Variants in DCAF11 observed in about 807,000 individuals in gnomAD.
The protein encoded by DCAF11 is DDB1- and CUL4-associated factor 11.
DCAF11 carries 44 observed loss-of-function variants against 76.1 expected under a neutral mutation model. The ratio of observed to expected loss-of-function variants is 0.58; its 90% confidence interval spans 0.45 to 0.74. DCAF11 has a LOEUF of 0.74. Ranked by LOEUF, DCAF11 falls within the 30% of genes least tolerant of loss-of-function variation. The pLI is 0.00. For missense variants in DCAF11, 604 were observed against 709.4 expected (o/e 0.85, Z 1.69); for synonymous variants, 258 against 255.0 (o/e 1.01, Z -0.11).
In DCAF11 at chr14:24,117,033, A is replaced by C. The variant is rs1227339142; in HGVS notation, c.272A>C (p.Tyr91Ser). The C allele has an allele frequency of 1.2e-6, 2 of 1,614,256 alleles. No homozygotes were observed. Among genetic ancestry groups the C allele is most frequent in the South Asian group, 2.2e-5 (2 of 91,086 alleles). The change falls in exon 3 of 15, where the codon TAC becomes TCC. Residue 91 changes from tyrosine to serine, a missense_variant. By Grantham distance (144) the Tyr-to-Ser change is moderately radical. Transcript: ENST00000446197. This position sits in a 1 kb window ranked among gnomAD's most constrained non-coding sequence, Gnocchi z 4.3. ...RAWDGRLGDRYNPPVDATPDT... is the reference protein window; with the variant it reads ...RAWDGRLGDRSNPPVDATPDT... ...TGGGATGGTCGTCTTGGGGATCGAT[A>C]CAACCCACCTGGTAAGAGGAAAAGC...
chr14:24,116,991 A>T lies in DCAF11; in HGVS notation c.230A>T (p.Glu77Val), dbSNP rs2037592361. Residue 77 changes from glutamate (E) to valine (V), a missense_variant, in exon 3 of 15, where the codon GAA becomes GTA. Physicochemically the swap from Glu to Val is moderately radical, Grantham distance 121 (BLOSUM62 -2). Coordinates refer to ENST00000446197, the MANE Select transcript of DCAF11 (RefSeq NM_025230.5). ...QFIQALLDSE[E>V]ENDRAWDGRL... ...ATTCAGGCCCTCTTGGACTCAGAGG[A>T]AGAGAATGACAGAGCTTGGGATGGT... 1 of 1,614,100 alleles carries T rather than the reference A, an allele frequency of 6.2e-7. No homozygotes were observed. The highest frequency in any genetic ancestry group is 1.3e-5 in the African/African-American group (1 of 74,926).
chr14:24,119,368 C>A, intron 9 of DCAF11, 155 bp downstream of exon 9: 1 of 1,213,170 alleles, frequency 8.2e-7, no homozygotes. Context: ...CCTTGCTCTC[C>A]ATTTCCCCAG....
At chr14:24,122,751 GC>G (rs1018456078) in intron 13 of DCAF11, among the ~76,000 whole-genome samples, 3 of 152,144 alleles carry the variant, frequency 2.0e-5, no homozygotes, top group African/African-American at 7.2e-5. Flanking sequence ...TTAGCTAAGG[GC>G]CAGACATACC....
At chr14:24,120,711 TG>T in intron 11 of DCAF11, 126 bp from the exon 12 acceptor site, 1 of 1,211,254 alleles carries the variant, frequency 8.3e-7, no homozygotes, top group Non-Finnish European at 1.2e-6. Context: ...TGAGTTCACC[TG>T]GATGAAGAGA....
intron 9 of DCAF11, 144 bp from the exon 10 acceptor site, chr14:24,119,415 G>A (rs1257348144): frequency 1.6e-6 from 2 of 1,247,640 alleles, no homozygotes; most frequent in African/African-American, 3.0e-5. Flanking sequence ...TTGAAACACA[G>A]CTAACTCTTC....
chr14:24,122,851 C>A, intron 13 of DCAF11, 120 bp from the exon 14 acceptor site: 1 of 802,976 alleles, frequency 1.2e-6, no homozygotes, highest in Middle Eastern at 2.8e-4. Flanking sequence ...GTGGGCTTTG[C>A]TCCCATGGGA....
In DCAF11 at chr14:24,123,190, C is replaced by A; in HGVS notation, c.1522C>A (p.Arg508Ser). ...TGCCCTGCAGTGGGACGGGAACCTG[C>A]GTCTGTGGCAGTACCGCCAGGCTGA... ...IVSSSWDGNL[R>S]LWQYRQAEYF... Residue 508 changes from arginine to serine, a missense_variant, in exon 15 of 15, where the codon CGT (arginine) becomes AGT (serine). Physicochemically the swap from Arg to Ser is moderately radical, Grantham distance 110 (BLOSUM62 -1). Coordinates refer to ENST00000446197, the MANE Select transcript of DCAF11 (RefSeq NM_025230.5). 1 of 1,608,538 alleles carries A rather than the reference C, an allele frequency of 6.2e-7. No homozygotes were observed.
chr14:24,117,437 C>T lies in DCAF11; in HGVS notation c.411+44C>T. ...CAGCCTGGCAGCAGGCCTGCCAAAGCAGCCAGAAGCTCTGCCAGCCCCAGA... is the reference window on the plus strand; with the variant it reads ...CAGCCTGGCAGCAGGCCTGCCAAAGTAGCCAGAAGCTCTGCCAGCCCCAGA... On this transcript the variant is annotated intron_variant, in intron 4 of 14. Coordinates refer to ENST00000446197, the MANE Select transcript of DCAF11 (RefSeq NM_025230.5). The surrounding 1 kb of genome is among the most constrained non-coding windows in gnomAD (Gnocchi z 4.3). 6.2e-7 allele frequency: 1 copy of T among 1,609,370 alleles called. No homozygotes were observed. The highest frequency in any genetic ancestry group is 1.1e-5 in the South Asian group (1 of 90,804).
chr14:24,119,007 T>G (rs753537306), intron 8 of DCAF11, 138 bp from the exon 9 acceptor site: 3 of 1,217,984 alleles, frequency 2.5e-6, no homozygotes, highest in Non-Finnish European at 3.6e-6. Flanking sequence ...GGGTTCTCAC[T>G]GAGCATCTGC....
At chr14:24,121,259 G>A in intron 12 of DCAF11, 106 bp from the exon 13 acceptor site, 1 of 1,448,246 alleles carries the variant, frequency 6.9e-7, no homozygotes, top group Non-Finnish European at 9.5e-7. Context: ...CTTGAAGATT[G>A]GAAAGGCATT....
intron 8 of DCAF11, 93 bp from the exon 9 acceptor site, chr14:24,119,052 C>T (rs2037639381): frequency 1.3e-6 from 2 of 1,525,630 alleles, no homozygotes; most frequent in Non-Finnish European, 1.8e-6. Flanking sequence ...TCTTTTTTCC[C>T]CTGGGGATGT....
Position 24,123,380 on chromosome 14 carries a change from G to T in DCAF11, c.*71G>T. ...CTGCCTCCTCCTCCCTTTCTCCCTT[G>T]TGGGGAATGTTTGGAGGAATCACTG... is the stretch of plus-strand genomic sequence containing the variant. On this transcript the variant is annotated 3_prime_UTR_variant, in exon 15 of 15. Coordinates refer to ENST00000446197, the MANE Select transcript of DCAF11 (RefSeq NM_025230.5). The T allele has an allele frequency of 6.7e-7, 1 of 1,494,138 alleles. No individual in the cohort carries two copies. The highest frequency in any genetic ancestry group is 8.9e-7 in the Non-Finnish European group (1 of 1,120,980). 92.6% of individuals were successfully genotyped at this position (1,494,138 alleles called of 1,614,324 possible).
chr14:24,122,523 A>G (rs1256132044), intron 13 of DCAF11, among the ~76,000 whole-genome samples: 1 of 151,522 alleles, frequency 6.6e-6, no homozygotes, highest in African/African-American at 2.4e-5. Flanking sequence ...GAAAAAAAAA[A>G]CCAGAAGCAC....
chr14:24,116,330 G>A (rs1239501771), intron 2 of DCAF11, among the ~76,000 whole-genome samples: 2 of 152,094 alleles, frequency 1.3e-5, no homozygotes, highest in African/African-American at 4.8e-5. Context: ...TCAGAATATT[G>A]TATTCTTTTT....
chr14:24,118,529 A>C lies in DCAF11; in HGVS notation c.719A>C (p.Asp240Ala), dbSNP rs141123841. The C allele has an allele frequency of 3.8e-5, 62 of 1,613,786 alleles. No individual in the cohort carries two copies. In the African/African-American group the frequency reaches 7.2e-4, roughly 19 times the overall value. ...GNHFLYSSWS[D>A]YIHICNIYGE... ...CACTTCCTCTACTCTAGCTGGTCTG[A>C]TTACAGTGAGTATGCACCAGGCTTC... The change falls in exon 7 of 15, where the codon GAT (aspartate) becomes GCT (alanine). Residue 240 changes from aspartate (D) to alanine (A), a missense_variant. Coordinates refer to ENST00000446197, the MANE Select transcript of DCAF11 (RefSeq NM_025230.5).
At chr14:24,120,795 T>C in intron 11 of DCAF11, 43 bp from the exon 12 acceptor site, 1 of 1,604,660 alleles carries the variant, frequency 6.2e-7, no homozygotes, top group Non-Finnish European at 8.5e-7. Flanking sequence ...GGCGCCGACA[T>C]TTGCAAGCTC....
At position 24,122,990 on chromosome 14, in the gene DCAF11, C is replaced by T. The variant is rs748211894; in HGVS notation, c.1419C>T (p.Gly473=). ...GGACAGTGTACGACCTTCTAAGTGGCCACATTGTGAAGAAGCTGACCAACC... is the reference window on the plus strand; with the variant it reads ...GGACAGTGTACGACCTTCTAAGTGGTCACATTGTGAAGAAGCTGACCAACC... ...GKVVVYDLLS[G]HIVKKLTNHK... Residue 473 remains glycine (G), a synonymous_variant, in exon 14 of 15, where the codon GGC becomes GGT. Transcript: ENST00000446197. 4.3e-6 allele frequency: 7 copies of T among 1,613,998 alleles called. No individual in the cohort carries two copies. The highest frequency in any genetic ancestry group is 2.7e-5 in the African/African-American group (2 of 74,914).
At position 24,115,548 on chromosome 14, in the gene DCAF11, G is replaced by A. The variant is rs775272676; in HGVS notation, c.-47G>A. On this transcript the variant is annotated 5_prime_UTR_variant, in exon 2 of 15. Coordinates refer to ENST00000446197, the MANE Select transcript of DCAF11 (RefSeq NM_025230.5). ...TTGCTTTCACCAAACCCAAGGAGGT[G>A]ACAGGAGGAGCCCCCGCACAGGACC... 5 of 1,566,086 alleles carry A rather than the reference G, an allele frequency of 3.2e-6. No individual in the cohort carries two copies. The highest frequency in any genetic ancestry group is 1.2e-5 in the South Asian group (1 of 83,680).
rs2037733183 is a variant in DCAF11 at position 24,123,672 on chromosome 14, C to G, written c.*363C>G. The G allele has an allele frequency of 1.0e-5, 2 of 194,628 alleles. No homozygotes were observed. Among genetic ancestry groups the G allele is most frequent in the Non-Finnish European group, 1.0e-5 (1 of 95,900 alleles). The allele number at this position is 194,628 out of a possible 1,614,324, so 12.1% of individuals were successfully genotyped here. On this transcript the variant is annotated 3_prime_UTR_variant, in exon 15 of 15. Coordinates refer to ENST00000446197, the MANE Select transcript of DCAF11 (RefSeq NM_025230.5). Reference sequence around the variant, plus strand: ...TGAGGCCACATCTGAACAGACCTGTCAGCCAGGCCTGCCAGGTCTTCACGT... The same window carrying G: ...TGAGGCCACATCTGAACAGACCTGTGAGCCAGGCCTGCCAGGTCTTCACGT...
Sources: allele counts gnomAD v4.1 joint callset (sites outside exome capture counted in the v4.1 genomes callset), GRCh38; gene constraint gnomAD v4.1.1; non-coding constraint Gnocchi (gnomAD v3.1); transcripts MANE v1.5; gene names NCBI Gene and HGNC (gene_info 2026-07-23, HGNC 2026-07-21).